STAT4: variants seen among roughly 807,000 people sequenced by gnomAD.
STAT4 encodes signal transducer and activator of transcription 4.
A neutral mutation model predicts 110.5 loss-of-function variants in STAT4; 42 were observed. That is an observed-to-expected ratio of 0.38 (90% CI 0.30 to 0.49). The LOEUF is 0.49. Ranked by LOEUF, STAT4 falls within the 20% of genes least tolerant of loss-of-function variation. The pLI is 0.95. For missense variants in STAT4, 632 were observed against 887.9 expected, an observed-to-expected ratio of 0.71 and a Z score of 3.66; for synonymous variants, 284 against 302.2, an observed-to-expected ratio of 0.94 and a Z score of 0.63.
intron 15 of STAT4, among the ~76,000 whole-genome samples, chr2:191,040,770 C>G (rs1266542407): frequency 6.6e-6 from 1 of 152,074 alleles, no homozygotes; most frequent in Non-Finnish European, 1.5e-5. Flanking sequence ...CACCCTGTTG[C>G]CCAGGCTGGT....
intron 3 of STAT4, among the ~76,000 whole-genome samples, chr2:191,121,213 T>C (rs1277182881): frequency 6.6e-6 from 1 of 152,148 alleles, no homozygotes; most frequent in Non-Finnish European, 1.5e-5. Context: ...AAATCAAAAC[T>C]ACAATGAGAT....
chr2:191,112,212 G>A lies in STAT4; in HGVS notation c.273+34401C>T, dbSNP rs1302685336. Reference sequence around the variant, plus strand: ...TGGAGAAATAAAAAGACAAAATTTGGAGAAATTACCTACATGTATGTAACA... The same window carrying A: ...TGGAGAAATAAAAAGACAAAATTTGAAGAAATTACCTACATGTATGTAACA... On this transcript the variant is annotated intron_variant, in intron 3 of 23. Coordinates refer to ENST00000392320, the MANE Select transcript of STAT4 (RefSeq NM_003151.4). This position sits in a 1 kb window ranked among gnomAD's most constrained non-coding sequence, Gnocchi z 4.3. 6.6e-6 allele frequency among the ~76,000 whole-genome samples: 1 copy of A among 152,088 alleles called. No homozygotes were observed. Among genetic ancestry groups the A allele is most frequent in the Non-Finnish European group, 1.5e-5 (1 of 68,002 alleles).
Position 191,113,087 on chromosome 2 carries a change from C to T in STAT4, c.273+33526G>A, listed in dbSNP as rs1372509623. Among the ~76,000 whole-genome samples, 1 of 152,186 alleles carries T rather than the reference C, an allele frequency of 6.6e-6. No homozygotes were observed. The highest frequency in any genetic ancestry group is 2.4e-5 in the African/African-American group (1 of 41,446). On this transcript the variant is annotated intron_variant, in intron 3 of 23. Transcript: ENST00000392320. This position sits in a 1 kb window ranked among gnomAD's most constrained non-coding sequence, Gnocchi z 4.8. ...AAGCTCCCCATGTCTCATTGCTTTC[C>T]TGCCTCTGTGTCTTTGCCTACATGG... is the stretch of plus-strand genomic sequence containing the variant.
chr2:191,033,423 AC>A lies in STAT4; in HGVS notation c.1852+66del. 1 of 1,530,570 alleles carries A rather than the reference AC, an allele frequency of 6.5e-7. No homozygotes were observed. Among genetic ancestry groups the A allele is most frequent in the South Asian group, 1.3e-5 (1 of 78,828 alleles). The allele number at this position is 1,530,570 out of a possible 1,614,324, so 94.8% of individuals were successfully genotyped here. On this transcript the variant is annotated intron_variant, in intron 20 of 23. Transcript: ENST00000392320. The surrounding 1 kb of genome is among the most constrained non-coding windows in gnomAD (Gnocchi z 6.9). The stretch of plus-strand genomic sequence containing the variant: ...ATCAACACACCATACACTTCCAAAA[AC>A]TGAAATCCCAGTAACCAAATTTAAG...
chr2:191,046,148 T>C lies in STAT4; in HGVS notation c.1252-5000A>G, dbSNP rs1340238741. Among the ~76,000 whole-genome samples, 1 of 152,248 alleles carries C rather than the reference T, an allele frequency of 6.6e-6. No individual in the cohort carries two copies. Among genetic ancestry groups the C allele is most frequent in the Non-Finnish European group, 1.5e-5 (1 of 68,042 alleles). On this transcript the variant is annotated intron_variant, in intron 14 of 23. Transcript: ENST00000392320. The surrounding 1 kb of genome is among the most constrained non-coding windows in gnomAD (Gnocchi z 4.6). ...CCTTTCACATTATCTCTGAGTTCAA[T>C]GGTGCAGAACATTTGAGAGGCCTCA...
chr2:191,040,817 G>A (rs925917686), intron 15 of STAT4, among the ~76,000 whole-genome samples: 1 of 152,110 alleles, frequency 6.6e-6, no homozygotes, highest in Non-Finnish European at 1.5e-5. Flanking sequence ...ACCCACCTTG[G>A]CCTACCAAAG....
At chr2:191,095,825 C>T (rs541374250) in intron 3 of STAT4, among the ~76,000 whole-genome samples, 15 of 152,136 alleles carry the variant, frequency 9.9e-5, no homozygotes, top group Admixed American at 9.2e-4. Flanking sequence ...TCAATGAATC[C>T]AGGAGCTGGT....
chr2:191,066,617 G>T lies in STAT4; in HGVS notation c.545-102C>A. ...AACAGCCCTGGCCCGGAGAACTTAT[G>T]TGGTAAGAGACTAATTGGGTTCACT... On this transcript the variant is annotated intron_variant, in intron 6 of 23. Coordinates refer to ENST00000392320, the MANE Select transcript of STAT4 (RefSeq NM_003151.4). The surrounding 1 kb of genome is among the most constrained non-coding windows in gnomAD (Gnocchi z 4.3). 9.6e-7 allele frequency: 1 copy of T among 1,039,246 alleles called. No homozygotes were observed. Among genetic ancestry groups the T allele is most frequent in the Non-Finnish European group, 1.4e-6 (1 of 698,288 alleles). The allele number at this position is 1,039,246 out of a possible 1,614,324, so 64.4% of individuals were successfully genotyped here.
Position 191,090,873 on chromosome 2 carries a change from G to A in STAT4, c.274-14548C>T, listed in dbSNP as rs1007598409. Among the ~76,000 whole-genome samples, 1 of 152,048 alleles carries A rather than the reference G, an allele frequency of 6.6e-6. No individual in the cohort carries two copies. The highest frequency in any genetic ancestry group is 2.4e-5 in the African/African-American group (1 of 41,386). On this transcript the variant is annotated intron_variant, in intron 3 of 23. Coordinates refer to ENST00000392320, the MANE Select transcript of STAT4 (RefSeq NM_003151.4). The surrounding 1 kb of genome is among the most constrained non-coding windows in gnomAD (Gnocchi z 4.2). Reference sequence around the variant, plus strand: ...CCCAAAGTGCTAGGATTACAGGCGTGAGCCACCATACCCGGCCTTAAACTA... The same window carrying A: ...CCCAAAGTGCTAGGATTACAGGCGTAAGCCACCATACCCGGCCTTAAACTA...
intron 1 of STAT4, among the ~76,000 whole-genome samples, chr2:191,149,743 C>A (rs1458957774): frequency 6.6e-6 from 1 of 152,132 alleles, no homozygotes; most frequent in African/African-American, 2.4e-5. Context: ...AACATTTGTT[C>A]TCATGCTACT....
At chr2:191,095,558 A>C (rs1697945450) in intron 3 of STAT4, among the ~76,000 whole-genome samples, 1 of 152,246 alleles carries the variant, frequency 6.6e-6, no homozygotes, top group Non-Finnish European at 1.5e-5. Flanking sequence ...ATGTTCTTTG[A>C]AACCAATGAG....
At chr2:191,100,945 C>A (rs1302573690) in intron 3 of STAT4, among the ~76,000 whole-genome samples, 2 of 152,012 alleles carry the variant, frequency 1.3e-5, no homozygotes, top group African/African-American at 4.8e-5. Context: ...GACTGGAGGT[C>A]CGAAGTCAAG....
chr2:191,115,076 GA>G (rs1233647636), intron 3 of STAT4, among the ~76,000 whole-genome samples: 1 of 151,992 alleles, frequency 6.6e-6, no homozygotes, highest in Non-Finnish European at 1.5e-5. Flanking sequence ...TTTATAAACA[GA>G]AAAAAGTATC....
chr2:191,146,901 A>G lies in STAT4; in HGVS notation c.129-144T>C. 2 of 755,572 alleles carry G rather than the reference A, an allele frequency of 2.6e-6. No individual in the cohort carries two copies. Among genetic ancestry groups the G allele is most frequent in the South Asian group, 7.8e-5 (2 of 25,696 alleles). The allele number at this position is 755,572 out of a possible 1,614,324, so 46.8% of individuals were successfully genotyped here. ...AAAAAATTAAATTGTTAACATGAAG[A>G]GATGCTCAACATCACTAATCATTAG... On this transcript the variant is annotated intron_variant, in intron 2 of 23. Transcript: ENST00000392320. The surrounding 1 kb of genome is among the most constrained non-coding windows in gnomAD (Gnocchi z 4.5).
intron 3 of STAT4, among the ~76,000 whole-genome samples, chr2:191,098,313 C>T (rs569214172): frequency 6.6e-5 from 10 of 152,298 alleles, no homozygotes; most frequent in Admixed American, 2.0e-4. Context: ...CACATGCACA[C>T]GTGTGTTTAC....
At position 191,077,954 on chromosome 2, in the gene STAT4, C is replaced by T. The variant is rs1341936989; in HGVS notation, c.274-1629G>A. ...TACCATTTTTTCCATTTCCGTGTGT[C>T]GACAATTTCAGATTCTCTCTAGTTA... On this transcript the variant is annotated intron_variant, in intron 3 of 23. Transcript: ENST00000392320. This position sits in a 1 kb window ranked among gnomAD's most constrained non-coding sequence, Gnocchi z 4.1. Among the ~76,000 whole-genome samples the T allele has an allele frequency of 2.0e-5, 3 of 151,926 alleles. No individual in the cohort carries two copies. Among genetic ancestry groups the T allele is most frequent in the African/African-American group, 2.4e-5 (1 of 41,360 alleles).
chr2:191,121,288 A>T (rs192829233), intron 3 of STAT4, among the ~76,000 whole-genome samples: 32 of 152,316 alleles, frequency 2.1e-4, no homozygotes, highest in Admixed American at 2.0e-4. Flanking sequence ...GCTGGAGAGG[A>T]TATGAAGAAA....
chr2:191,074,847 A>C lies in STAT4; in HGVS notation c.372+1380T>G, dbSNP rs143008320. 2.0e-5 allele frequency among the ~76,000 whole-genome samples: 3 copies of C among 152,260 alleles called. No individual in the cohort carries two copies. The East Asian group carries it at 5.8e-4, about 29-fold the overall frequency. On this transcript the variant is annotated intron_variant, in intron 4 of 23. Coordinates refer to ENST00000392320, the MANE Select transcript of STAT4 (RefSeq NM_003151.4). ...TAACCTGACAATAACTAAACATGAG[A>C]ATTTTTTAAGAGTTAAATAACAGAT...
intron 15 of STAT4, among the ~76,000 whole-genome samples, 176 bp downstream of exon 15, chr2:191,040,889 T>G (rs1331780638): frequency 6.6e-6 from 1 of 152,228 alleles, no homozygotes; most frequent in Non-Finnish European, 1.5e-5. Context: ...TCATATATAT[T>G]TAACCAAAAT....
Sources: gnomAD v4.1 joint callset for allele counts (sites outside exome capture counted in the v4.1 genomes callset) on GRCh38, gnomAD v4.1.1 for gene constraint, Gnocchi (gnomAD v3.1) non-coding constraint, MANE v1.5 for transcripts, NCBI Gene and HGNC (gene_info 2026-07-23, HGNC 2026-07-21) for gene names.